CDH9: variants seen among roughly 807,000 people sequenced by gnomAD.
CDH9 encodes cadherin-9.
CDH9 carries 28 observed loss-of-function variants against 70.9 expected under a neutral mutation model. That is an observed-to-expected ratio of 0.40 (90% CI 0.29 to 0.54). The LOEUF is 0.54. Among genes scored for constraint, CDH9 ranks in the 20% least tolerant of loss-of-function variants. The probability of loss-of-function intolerance (pLI) is 0.59; values close to 1 mark genes in which losing one functional copy is unlikely to be tolerated. For missense variants in CDH9, 874 were observed against 984.4 expected, an observed-to-expected ratio of 0.89 and a Z score of 1.50; for synonymous variants, 409 against 343.1, an observed-to-expected ratio of 1.19 and a Z score of -2.12.
chr5:26,990,565 C>T (rs990810502), intron 1 of CDH9, among the ~76,000 whole-genome samples: 21 of 151,916 alleles, frequency 1.4e-4, no homozygotes, highest in South Asian at 2.1e-4. Flanking sequence ...ATATAAAACC[C>T]GGAATTAGAT....
chr5:26,886,896 AT>A (rs1233843709), intron 9 of CDH9, among the ~76,000 whole-genome samples: 1 of 152,202 alleles, frequency 6.6e-6, no homozygotes, highest in African/African-American at 2.4e-5. Flanking sequence ...CATCTGTGTG[AT>A]TTGAAATCAC....
intron 1 of CDH9, among the ~76,000 whole-genome samples, chr5:26,992,268 C>A (rs1441440633): frequency 6.6e-6 from 1 of 152,092 alleles, no homozygotes; most frequent in Admixed American, 6.6e-5. Flanking sequence ...GGTGTGCAGA[C>A]TGGGGGTTGG....
Position 26,885,785 on chromosome 5 carries a change from A to C in CDH9, c.1711T>G (p.Phe571Val), listed in dbSNP as rs1740554937. 1.9e-6 allele frequency: 3 copies of C among 1,613,884 alleles called. No homozygotes were observed. The Middle Eastern group carries it at 4.9e-4, about 266-fold the overall frequency. Reference sequence around the variant, plus strand: ...CTTTGAATTGGATAATCGTTGTCAAAGATTAAAATCGGCAATAAGTAGGTG... The same window carrying C: ...CTTTGAATTGGATAATCGTTGTCAACGATTAAAATCGGCAATAAGTAGGTG... ...MSTYLLPILI[F>V]DNDYPIQSST... Residue 571 changes from phenylalanine (F) to valine (V), a missense_variant, in exon 11 of 12, where the codon TTT (phenylalanine) becomes GTT (valine). Physicochemically the swap from Phe to Val is conservative, Grantham distance 50 (BLOSUM62 -1). Coordinates refer to ENST00000231021, the MANE Select transcript of CDH9 (RefSeq NM_016279.4).
intron 2 of CDH9, among the ~76,000 whole-genome samples, chr5:26,982,846 A>T (rs1168250860): frequency 6.6e-6 from 1 of 151,472 alleles, no homozygotes; most frequent in East Asian, 1.9e-4. Context: ...CCACACCTGG[A>T]TAATATTTGT....
At chr5:27,002,382 A>G (rs548910534) in intron 1 of CDH9, among the ~76,000 whole-genome samples, 2 of 152,192 alleles carry the variant, frequency 1.3e-5, no homozygotes, top group Non-Finnish European at 2.9e-5. Context: ...AGGATCTAGA[A>G]TTAGAAATAC....
At chr5:26,893,304 C>A (rs559084227) in intron 7 of CDH9, among the ~76,000 whole-genome samples, 1 of 152,014 alleles carries the variant, frequency 6.6e-6, no homozygotes, top group South Asian at 2.1e-4. Context: ...GTATTTGGGC[C>A]TTTGGAAAAA....
At chr5:26,999,890 G>A (rs1018754696) in intron 1 of CDH9, among the ~76,000 whole-genome samples, 2 of 151,888 alleles carry the variant, frequency 1.3e-5, no homozygotes, top group African/African-American at 2.4e-5. Flanking sequence ...AAAATTTCTC[G>A]AAGAAAATGC....
At chr5:26,936,822 G>A (rs943058231) in intron 2 of CDH9, among the ~76,000 whole-genome samples, 1 of 151,734 alleles carries the variant, frequency 6.6e-6, no homozygotes, top group African/African-American at 2.4e-5. Flanking sequence ...CATCTGCATT[G>A]AAAAATTAAT....
At position 27,018,284 on chromosome 5, in the gene CDH9, C is replaced by A. The variant is rs181636119; in HGVS notation, c.-50+20179G>T. Among the ~76,000 whole-genome samples the A allele has an allele frequency of 7.2e-4, 109 of 151,602 alleles. 2 individuals carry two copies. The East Asian group carries it at 0.02, about 28-fold the overall frequency. ...TTCACATATTGTATATAGAATTTTC[C>A]TCACGTATGTATCATCTTGATTTAA... On this transcript the variant is annotated intron_variant, in intron 1 of 11. Coordinates refer to ENST00000231021, the MANE Select transcript of CDH9 (RefSeq NM_016279.4).
intron 1 of CDH9, among the ~76,000 whole-genome samples, chr5:27,025,144 T>C (rs1301727323): frequency 1.3e-5 from 2 of 151,610 alleles, no homozygotes; most frequent in Non-Finnish European, 2.9e-5. Flanking sequence ...ATTGTGTAGA[T>C]TGAGAAGCAT....
In CDH9 at chr5:26,982,922, T is replaced by G. The variant is rs189605987; in HGVS notation, c.228+5184A>C. Reference sequence around the variant, plus strand: ...GGCTGGTCTCAAACTCCTGACCTCGTGATTTACCCGCCTCCGCCTCCCAGA... The same window carrying G: ...GGCTGGTCTCAAACTCCTGACCTCGGGATTTACCCGCCTCCGCCTCCCAGA... On this transcript the variant is annotated intron_variant, in intron 2 of 11. Transcript: ENST00000231021. Among the ~76,000 whole-genome samples, 42 of 151,982 alleles carry G rather than the reference T, an allele frequency of 2.8e-4. No individual in the cohort carries two copies. In the East Asian group the frequency reaches 7.4e-3, roughly 27 times the overall value.
intron 1 of CDH9, among the ~76,000 whole-genome samples, chr5:26,995,728 A>G (rs1428494445): frequency 6.6e-6 from 1 of 152,094 alleles, no homozygotes; most frequent in African/African-American, 2.4e-5. Context: ...CTTATTCAAT[A>G]GGGAAAAGCT....
intron 2 of CDH9, among the ~76,000 whole-genome samples, chr5:26,949,836 A>T (rs527856982): frequency 3.3e-5 from 5 of 152,208 alleles, no homozygotes; most frequent in African/African-American, 1.2e-4. Context: ...AGAAAACAAA[A>T]CTCTATTTGT....
intron 2 of CDH9, among the ~76,000 whole-genome samples, chr5:26,979,105 G>A (rs1316258034): frequency 6.6e-6 from 1 of 151,382 alleles, no homozygotes; most frequent in Non-Finnish European, 1.5e-5. Flanking sequence ...TAATAGAAAA[G>A]ATTATCTTTA....
intron 2 of CDH9, among the ~76,000 whole-genome samples, chr5:26,969,589 T>C (rs1192903156): frequency 6.6e-6 from 1 of 152,110 alleles, no homozygotes. Context: ...TTTTCCTTTG[T>C]TAATATGTTC....
At chr5:26,983,475 A>G (rs1742435981) in intron 2 of CDH9, among the ~76,000 whole-genome samples, 1 of 152,202 alleles carries the variant, frequency 6.6e-6, no homozygotes, top group Non-Finnish European at 1.5e-5. Context: ...AAGTGATTAC[A>G]CAGTATTGGC....
intron 11 of CDH9, among the ~76,000 whole-genome samples, chr5:26,883,055 A>G (rs1740495752): frequency 1.0e-5 from 1 of 96,688 alleles, no homozygotes; most frequent in African/African-American, 4.0e-5. Flanking sequence ...ATATATATAT[A>G]TATATATATA....
chr5:26,912,153 T>C (rs1230741236), intron 3 of CDH9, among the ~76,000 whole-genome samples: 13 of 152,124 alleles, frequency 8.5e-5, no homozygotes, highest in Admixed American at 8.5e-4. Context: ...GAAAATATCT[T>C]GTACTATCTG....
At chr5:26,940,364 A>G (rs1579464283) in intron 2 of CDH9, among the ~76,000 whole-genome samples, 1 of 152,282 alleles carries the variant, frequency 6.6e-6, no homozygotes, top group East Asian at 1.9e-4. Flanking sequence ...CCAGGATCCT[A>G]TAGTAGCAGT....
Sources: allele counts gnomAD v4.1 joint callset (sites outside exome capture counted in the v4.1 genomes callset), GRCh38; gene constraint gnomAD v4.1.1; transcripts MANE v1.5; gene names NCBI Gene and HGNC (gene_info 2026-07-23, HGNC 2026-07-21).